The following ATP8B4 variants were observed in gnomAD, a reference collection of about 807,000 sequenced individuals.
The protein encoded by ATP8B4 is probable phospholipid-transporting ATPase IM.
Under a neutral mutation model 145.6 loss-of-function variants are expected in ATP8B4, and 133 were observed. That is an observed-to-expected ratio of 0.91 (90% CI 0.79 to 1.05). ATP8B4 has a LOEUF of 1.05. Ranked by LOEUF, ATP8B4 falls within the 50% of genes least tolerant of loss-of-function variation. ATP8B4 has a pLI of 0.00. For synonymous variants in ATP8B4, 507 were observed against 492.9 expected (o/e 1.03, Z -0.38); for missense variants, 1,458 against 1,425.2 (o/e 1.02, Z -0.37).
intron 14 of ATP8B4, among the ~76,000 whole-genome samples, chr15:49,935,652 CCA>C (rs1555421798): frequency 6.6e-6 from 1 of 152,018 alleles, no homozygotes; most frequent in Non-Finnish European, 1.5e-5. Flanking sequence ...GTCCCACTCC[CCA>C]GAGAAAATTA....
chr15:50,099,790 G>A (rs1469693428), intron 2 of ATP8B4, among the ~76,000 whole-genome samples: 1 of 152,124 alleles, frequency 6.6e-6, no homozygotes, highest in African/African-American at 2.4e-5. Flanking sequence ...TGTAATCCCA[G>A]CACTTTGGGA....
chr15:50,129,991 C>T (rs941252406), intron 1 of ATP8B4, among the ~76,000 whole-genome samples: 13 of 149,954 alleles, frequency 8.7e-5, no homozygotes, highest in Non-Finnish European at 1.6e-4. Flanking sequence ...AAAGAAATTA[C>T]ATGGTAGAGT....
At chr15:50,003,920 G>A (rs1458723835) in intron 7 of ATP8B4, among the ~76,000 whole-genome samples, 2 of 152,044 alleles carry the variant, frequency 1.3e-5, no homozygotes, top group Admixed American at 1.3e-4. Flanking sequence ...GCCATCTGGC[G>A]GTCAGATTCT....
At chr15:50,137,770 G>A (rs570832095) in intron 1 of ATP8B4, among the ~76,000 whole-genome samples, 1 of 152,250 alleles carries the variant, frequency 6.6e-6, no homozygotes, top group Non-Finnish European at 1.5e-5. Context: ...TGTTAGAGCT[G>A]GGAGGGTCGT....
At chr15:50,024,016 A>C (rs1275221265) in intron 6 of ATP8B4, among the ~76,000 whole-genome samples, 1 of 152,100 alleles carries the variant, frequency 6.6e-6, no homozygotes, top group East Asian at 1.9e-4. Flanking sequence ...ATTAGGTTCT[A>C]TTATTTTTAA....
At chr15:50,147,912 A>G (rs2044300042) in intron 1 of ATP8B4, among the ~76,000 whole-genome samples, 1 of 152,218 alleles carries the variant, frequency 6.6e-6, no homozygotes, top group African/African-American at 2.4e-5. Flanking sequence ...TTCAGTGGGA[A>G]ATTGGGGCGT....
intron 14 of ATP8B4, among the ~76,000 whole-genome samples, chr15:49,939,295 C>A (rs1005619956): frequency 6.6e-6 from 1 of 151,594 alleles, no homozygotes; most frequent in East Asian, 1.9e-4. Context: ...AAAGTCTATA[C>A]AATCAATAAA....
intron 19 of ATP8B4, among the ~76,000 whole-genome samples, chr15:49,917,705 T>TAGATAACTCCTATC (rs2153451939): frequency 6.6e-6 from 1 of 152,300 alleles, no homozygotes; most frequent in South Asian, 2.1e-4. Context: ...ACTCCTTCTA[T>TAGATAACTCCTATC]CTAATAGAGT....
intron 16 of ATP8B4, among the ~76,000 whole-genome samples, chr15:49,927,182 T>C (rs1420045271): frequency 6.6e-6 from 1 of 152,150 alleles, no homozygotes; most frequent in Non-Finnish European, 1.5e-5. Context: ...AAAAATCCTT[T>C]ATAGAAATCA....
chr15:50,165,427 G>C (rs1477405510), intron 1 of ATP8B4, among the ~76,000 whole-genome samples: 1 of 152,076 alleles, frequency 6.6e-6, no homozygotes, highest in Non-Finnish European at 1.5e-5. Flanking sequence ...TTTTTCTTAT[G>C]AACATGTTTC....
intron 6 of ATP8B4, among the ~76,000 whole-genome samples, chr15:50,037,697 G>C (rs1361416676): frequency 6.6e-6 from 1 of 152,150 alleles, no homozygotes; most frequent in African/African-American, 2.4e-5. Flanking sequence ...TGGGGGTCCA[G>C]GCACCTTTAT....
intron 1 of ATP8B4, among the ~76,000 whole-genome samples, chr15:50,131,051 A>G (rs2057342709): frequency 7.2e-6 from 1 of 139,456 alleles, no homozygotes; most frequent in African/African-American, 2.5e-5. Context: ...AGAAGTGCCT[A>G]GTGAAGGGGA....
At chr15:50,054,440 C>T (rs934579237) in intron 3 of ATP8B4, among the ~76,000 whole-genome samples, 2 of 152,110 alleles carry the variant, frequency 1.3e-5, no homozygotes, top group Non-Finnish European at 2.9e-5. Context: ...CAGTAATGGA[C>T]GCTAACCTAG....
intron 3 of ATP8B4, among the ~76,000 whole-genome samples, chr15:50,064,691 C>T (rs976745124): frequency 6.6e-6 from 1 of 152,122 alleles, no homozygotes; most frequent in Non-Finnish European, 1.5e-5. Flanking sequence ...ATACCTGAGA[C>T]TGGTAATTTA....
At chr15:50,003,362 C>T (rs952662547) in intron 7 of ATP8B4, among the ~76,000 whole-genome samples, 66 of 150,692 alleles carry the variant, frequency 4.4e-4, no homozygotes, top group African/African-American at 1.6e-3. Context: ...TACCCTGTGA[C>T]GGCCCCTAAA....
intron 13 of ATP8B4, among the ~76,000 whole-genome samples, chr15:49,966,898 T>TG (rs1316127625): frequency 6.6e-6 from 1 of 152,150 alleles, no homozygotes; most frequent in Admixed American, 6.5e-5. Context: ...AGTGCCCCTC[T>TG]GGGACAAAGC....
At chr15:50,040,684 CG>C (rs1228493725) in intron 5 of ATP8B4, among the ~76,000 whole-genome samples, 2 of 152,188 alleles carry the variant, frequency 1.3e-5, no homozygotes, top group Non-Finnish European at 2.9e-5. Context: ...AGCTCACTCT[CG>C]GGGAGATGCA....
At chr15:50,000,593 C>A (rs2047807682) in intron 8 of ATP8B4, among the ~76,000 whole-genome samples, 1 of 152,022 alleles carries the variant, frequency 6.6e-6, no homozygotes, top group South Asian at 2.1e-4. Context: ...AAAATATATT[C>A]AAGATACAAG....
chr15:50,099,146 G>A (rs954261857), intron 2 of ATP8B4, among the ~76,000 whole-genome samples: 1 of 152,056 alleles, frequency 6.6e-6, no homozygotes, highest in Admixed American at 6.5e-5. Context: ...CAGCTAAGCT[G>A]GTTTAAAGAA....
Sources: gnomAD v4.1 joint callset for allele counts (sites outside exome capture counted in the v4.1 genomes callset) on GRCh38, gnomAD v4.1.1 for gene constraint, MANE v1.5 for transcripts, NCBI Gene and HGNC (gene_info 2026-07-23, HGNC 2026-07-21) for gene names.